The following CHM variants were observed in gnomAD, a reference collection of about 807,000 sequenced individuals.
CHM encodes the protein rab proteins geranylgeranyltransferase component A 1.
Under a neutral mutation model 49.0 loss-of-function variants are expected in CHM, and 10 were observed. The observed-to-expected ratio is 0.20, with a 90% confidence interval of 0.13 to 0.35. CHM has a LOEUF of 0.35. Among genes scored for constraint, CHM ranks in the 10% least tolerant of loss-of-function variants. CHM has a pLI of 1.00. For missense variants in CHM, 455 were observed against 478.4 expected, an observed-to-expected ratio of 0.95 and a Z score of 0.46; for synonymous variants, 184 against 167.5, an observed-to-expected ratio of 1.10 and a Z score of -0.76.
chrX:85,865,651 C>T (rs1923646464), intron 14 of CHM, among the ~76,000 whole-genome samples: 1 of 111,377 alleles, frequency 9.0e-6, no homozygotes, highest in African/African-American at 3.3e-5. Context: ...TTGGAACTTT[C>T]TAGAGACTTG....
intron 4 of CHM, among the ~76,000 whole-genome samples, chrX:85,972,599 G>A (rs770568330): frequency 8.8e-6 from 1 of 113,178 alleles, no homozygotes; most frequent in South Asian, 3.6e-4. Flanking sequence ...CCACTGGCCC[G>A]GGTGCTAAGC....
At chrX:85,888,102 G>T (rs757645606) in intron 12 of CHM, among the ~76,000 whole-genome samples, 1 of 111,394 alleles carries the variant, frequency 9.0e-6, no homozygotes, top group Admixed American at 9.5e-5. Flanking sequence ...ATGTCTCTAG[G>T]CCATGTCAAG....
At position 85,863,883 on chromosome X, in the gene CHM, G is replaced by A. The variant is rs1313893842; in HGVS notation, c.*747C>T. 1 of 111,925 alleles carries A rather than the reference G, an allele frequency of 8.9e-6. No homozygotes were observed. The highest frequency in any genetic ancestry group is 1.9e-5 in the Non-Finnish European group (1 of 53,212). The allele number at this position is 111,925 out of a possible 1,213,427, so 9.2% of individuals were successfully genotyped here. A position where few individuals can be genotyped will look rare whatever the true frequency, so the allele number is the denominator to read the frequency against. On this transcript the variant is annotated 3_prime_UTR_variant, in exon 15 of 15. Coordinates refer to ENST00000357749, the MANE Select transcript of CHM (RefSeq NM_000390.4). The stretch of plus-strand genomic sequence containing the variant: ...GGACAGCCAGGATTAAATTAGGTCT[G>A]TAGACAATTAGCCTAATACTCTAGT...
Position 85,957,870 on chromosome X carries a change from G to T in CHM, c.925C>A (p.Pro309Thr). ...AAAAAAATACCTTTATATTCATCAG[G>T]ATATTTCTCATATTCCATACAAAAT... ...LTFCMEYEKYPDEYKGYEEIT... is the reference protein window; with the variant it reads ...LTFCMEYEKYTDEYKGYEEIT... Residue 309 changes from proline (P) to threonine (T), a missense_variant, in exon 7 of 15, where the codon CCT becomes ACT. Physicochemically the swap from Pro to Thr is conservative, Grantham distance 38. Transcript: ENST00000357749. 8.3e-7 allele frequency: 1 copy of T among 1,206,091 alleles called. No individual in the cohort carries two copies. The highest frequency in any genetic ancestry group is 1.1e-6 in the Non-Finnish European group (1 of 892,069).
At chrX:85,973,175 T>C (rs1400818087) in intron 4 of CHM, among the ~76,000 whole-genome samples, 3 of 105,838 alleles carry the variant, frequency 2.8e-5, no homozygotes, top group Non-Finnish European at 3.9e-5. Flanking sequence ...GGCACGTGCC[T>C]GTAGTCCCAG....
intron 4 of CHM, among the ~76,000 whole-genome samples, chrX:85,972,902 C>T: frequency 8.9e-6 from 1 of 112,246 alleles, no homozygotes; most frequent in Admixed American, 9.3e-5. Flanking sequence ...TGAGGACTGC[C>T]AGCACGCTGT....
intron 12 of CHM, among the ~76,000 whole-genome samples, chrX:85,887,746 C>T (rs1839888077): frequency 9.0e-6 from 1 of 111,189 alleles, no homozygotes; most frequent in African/African-American, 3.3e-5. Context: ...AGATGAGGAA[C>T]TTGTTGGGAA....
chrX:85,995,789 T>C (rs1177146452), intron 2 of CHM, among the ~76,000 whole-genome samples: 1 of 112,153 alleles, frequency 8.9e-6, no homozygotes, highest in Non-Finnish European at 1.9e-5. Context: ...AGCTTACATC[T>C]TGAATACTAG....
intron 2 of CHM, among the ~76,000 whole-genome samples, chrX:85,989,363 G>A (rs1386147349): frequency 8.9e-6 from 1 of 111,958 alleles, no homozygotes; most frequent in Non-Finnish European, 1.9e-5. Flanking sequence ...ATGGATTAAA[G>A]ACTTAAATGC....
chrX:85,978,118 T>C (rs1235249472), intron 4 of CHM, among the ~76,000 whole-genome samples: 1 of 112,023 alleles, frequency 8.9e-6, no homozygotes, highest in African/African-American at 3.2e-5. Context: ...GTCAATCATA[T>C]ATCATTTGAA....
rs759785664 is a variant in CHM, at chrX:86,024,851, TATC to T, written c.116+2637_116+2639del. ...AGTTGAGAAACTGGGTAGACGGTGT[TATC>T]ATTCCAAAAGACTGGGAGCAGGATG... On this transcript the variant is annotated intron_variant, in intron 2 of 14. Transcript: ENST00000357749. Among the ~76,000 whole-genome samples the T allele has an allele frequency of 4.6e-4, 52 of 111,960 alleles. 2 individuals carry two copies. The South Asian group carries it at 0.019, about 41-fold the overall frequency.
At chrX:85,966,258 A>C in intron 4 of CHM, among the ~76,000 whole-genome samples, 1 of 107,681 alleles carries the variant, frequency 9.3e-6, no homozygotes, top group East Asian at 3.0e-4. Context: ...CTGAGGCCAG[A>C]GAATCACTTG....
intron 1 of CHM, 137 bp downstream of exon 1, chrX:86,047,347 G>T: frequency 1.7e-6 from 1 of 579,271 alleles, no homozygotes; most frequent in Non-Finnish European, 3.0e-6. Context: ...CGCTGACTCC[G>T]GACTACCTCA....
intron 8 of CHM, among the ~76,000 whole-genome samples, chrX:85,940,264 A>G (rs1281614389): frequency 2.7e-5 from 3 of 112,160 alleles, no homozygotes; most frequent in Non-Finnish European, 5.6e-5. Context: ...CCCTCCCCCA[A>G]CACTGGGAAT....
intron 8 of CHM, among the ~76,000 whole-genome samples, chrX:85,953,711 A>T (rs895392442): frequency 8.9e-6 from 1 of 112,208 alleles, no homozygotes; most frequent in Admixed American, 9.5e-5. Flanking sequence ...GGGTAACTGG[A>T]TATCTGTATG....
At chrX:85,866,469 C>A (rs867824129) in intron 14 of CHM, among the ~76,000 whole-genome samples, 1 of 112,868 alleles carries the variant, frequency 8.9e-6, no homozygotes, top group African/African-American at 3.2e-5. Context: ...CATGGAGAAC[C>A]TCTGCTAGGG....
intron 1 of CHM, among the ~76,000 whole-genome samples, chrX:86,046,510 G>A (rs1455301559): frequency 3.6e-5 from 4 of 112,075 alleles, no homozygotes; most frequent in Non-Finnish European, 7.5e-5. Context: ...AATCATGGCT[G>A]TATGAGAAGA....
At chrX:85,987,315 C>A (rs772454045) in intron 2 of CHM, among the ~76,000 whole-genome samples, 1 of 111,180 alleles carries the variant, frequency 9.0e-6, no homozygotes, top group African/African-American at 3.3e-5. Flanking sequence ...TACATAAAAC[C>A]CCTGCAAGAT....
chrX:86,025,815 T>A (rs1468972450), intron 2 of CHM, among the ~76,000 whole-genome samples: 1 of 111,354 alleles, frequency 9.0e-6, no homozygotes, highest in Non-Finnish European at 1.9e-5. Flanking sequence ...TTACTTAATG[T>A]CTCTATGTCC....
Sources: allele counts gnomAD v4.1 joint callset (sites outside exome capture counted in the v4.1 genomes callset), GRCh38; gene constraint gnomAD v4.1.1; transcripts MANE v1.5; gene names NCBI Gene and HGNC (gene_info 2026-07-23, HGNC 2026-07-21).